The following ADGRL2 variants were observed in gnomAD, a reference collection of about 807,000 sequenced individuals.
The protein encoded by ADGRL2 is adhesion G protein-coupled receptor L2, also known as calcium-independent alpha-latrotoxin receptor 2.
Under a neutral mutation model 157.4 loss-of-function variants are expected in ADGRL2, and 44 were observed. The observed-to-expected ratio is 0.28, with a 90% CI of 0.22 to 0.36. The LOEUF is 0.36. Ranked by LOEUF, ADGRL2 falls within the 10% of genes least tolerant of loss-of-function variation. ADGRL2 has a pLI of 1.00. For synonymous variants in ADGRL2, 585 were observed against 624.7 expected (o/e 0.94, Z 0.95); for missense variants, 1,510 against 1,768.9 (o/e 0.85, Z 2.63).
At chr1:81,593,278 A>G (rs974872696) in intron 3 of ADGRL2, among the ~76,000 whole-genome samples, 6 of 152,186 alleles carry the variant, frequency 3.9e-5, no homozygotes, top group African/African-American at 1.4e-4. Context: ...GGCGCTCACT[A>G]TTAAATAGTG....
chr1:81,855,521 T>G (rs1334288118), intron 2 of ADGRL2, among the ~76,000 whole-genome samples: 1 of 152,182 alleles, frequency 6.6e-6, no homozygotes, highest in Non-Finnish European at 1.5e-5. Context: ...TATCAGTATT[T>G]TGATACTTTT....
chr1:81,496,354 G>A (rs574379847), intron 2 of ADGRL2, among the ~76,000 whole-genome samples: 2 of 152,086 alleles, frequency 1.3e-5, no homozygotes, highest in Non-Finnish European at 2.9e-5. Context: ...ACTGCAAGTC[G>A]CTCTTTTTTT....
intron 2 of ADGRL2, among the ~76,000 whole-genome samples, chr1:81,569,237 T>C (rs934187560): frequency 6.6e-6 from 1 of 152,158 alleles, no homozygotes; most frequent in African/African-American, 2.4e-5. Flanking sequence ...ACAAAAACAC[T>C]GTGAGACAGA....
intron 1 of ADGRL2, among the ~76,000 whole-genome samples, chr1:81,334,051 A>G (rs1205119659): frequency 3.3e-5 from 5 of 152,264 alleles, no homozygotes; most frequent in African/African-American, 1.2e-4. Flanking sequence ...AACTTTAAGA[A>G]ATAAAACAAA....
intron 1 of ADGRL2, among the ~76,000 whole-genome samples, chr1:81,422,309 A>G (rs571846238): frequency 6.6e-6 from 1 of 152,182 alleles, no homozygotes; most frequent in African/African-American, 2.4e-5. Flanking sequence ...CAATGGTACG[A>G]TCTCAGCTCA....
intron 1 of ADGRL2, among the ~76,000 whole-genome samples, chr1:81,398,697 C>T (rs1481842436): frequency 6.6e-6 from 1 of 152,118 alleles, no homozygotes; most frequent in East Asian, 1.9e-4. Context: ...TCCTTTTCTT[C>T]TTCTTTCAAC....
At chr1:81,698,712 A>T (rs72718830), upstream of ADGRL2, among the ~76,000 whole-genome samples, 2,674 of 152,290 alleles carry the variant, frequency 0.018, 32 homozygotes, top group South Asian at 0.054. Flanking sequence ...TACAAGTCAA[A>T]TGCATGACCT....
At chr1:81,987,326 T>C in intron 22 of ADGRL2, 1 of 1,573,126 alleles carries the variant, frequency 6.4e-7, no homozygotes, top group Non-Finnish European at 8.7e-7. Context: ...ATCTTCAAGA[T>C]TTATATCATT....
At position 81,332,545 on chromosome 1, in the gene ADGRL2, C is replaced by T. The variant is rs926906011; in HGVS notation, c.-302+26036C>T. Among the ~76,000 whole-genome samples, 6 of 152,110 alleles carry T rather than the reference C, an allele frequency of 3.9e-5. No individual in the cohort carries two copies. The South Asian group carries it at 6.2e-4, about 16-fold the overall frequency. ...TTTGGAAACATTAAATTCAAACCTC[C>T]TCATGGAAATACAATTTAATCCCAG... On this transcript the variant is annotated intron_variant, in intron 1 of 24. Transcript: ENST00000370721.
chr1:81,603,432 T>C (rs2081373261), intron 3 of ADGRL2, among the ~76,000 whole-genome samples: 2 of 152,230 alleles, frequency 1.3e-5, no homozygotes, highest in African/African-American at 4.8e-5. Context: ...AAAATATAGA[T>C]GCATAGCTAT....
intron 11 of ADGRL2, among the ~76,000 whole-genome samples, chr1:81,957,887 C>G (rs911628246): frequency 1.3e-5 from 2 of 149,458 alleles, no homozygotes; most frequent in Admixed American, 1.3e-4. Flanking sequence ...ATTTTACGGC[C>G]GGGCATGGTG....
chr1:81,675,259 A>T (rs1045376123), intron 3 of ADGRL2, among the ~76,000 whole-genome samples: 1 of 152,222 alleles, frequency 6.6e-6, no homozygotes, highest in Admixed American at 6.5e-5. Flanking sequence ...TGCTCAGTTA[A>T]CTTTAGAAAT....
rs923794300 is a variant in ADGRL2, at chr1:81,806,107, T to C, written c.-101+5039T>C. ...TGGAGATAGCTCTGGGAGCAGGTAG[T>C]TGGGGAAATCAGAATATTGAATCAT... On this transcript the variant is annotated intron_variant, in intron 1 of 23. Transcript: ENST00000686636. Among the ~76,000 whole-genome samples the C allele has an allele frequency of 2.6e-5, 4 of 152,040 alleles. No homozygotes were observed. The East Asian group carries it at 5.8e-4, about 22-fold the overall frequency.
intron 2 of ADGRL2, among the ~76,000 whole-genome samples, chr1:81,785,627 C>A (rs995672256): frequency 6.6e-6 from 1 of 151,890 alleles, no homozygotes; most frequent in Non-Finnish European, 1.5e-5. Context: ...ACTCAGGCAG[C>A]GAAGGCAGGA....
At chr1:81,958,281 A>T (rs758100510) in intron 11 of ADGRL2, among the ~76,000 whole-genome samples, 11 of 147,360 alleles carry the variant, frequency 7.5e-5, no homozygotes, top group Non-Finnish European at 1.6e-4. Context: ...CATTTTACAT[A>T]TTGTAATAAT....
At chr1:81,324,223 G>T (rs1412503971) in intron 1 of ADGRL2, among the ~76,000 whole-genome samples, 2 of 152,018 alleles carry the variant, frequency 1.3e-5, no homozygotes, top group South Asian at 2.1e-4. Context: ...ATTTTTTAGG[G>T]CTGGACACAG....
At chr1:81,966,327 C>T (rs1657028217) in intron 12 of ADGRL2, 77 bp from the exon 13 acceptor site, 1 of 1,525,102 alleles carries the variant, frequency 6.6e-7, no homozygotes, top group South Asian at 1.2e-5. Flanking sequence ...AGGACTTCAT[C>T]ATTTTATTCT....
At chr1:81,675,177 C>A (rs1557556386) in intron 3 of ADGRL2, among the ~76,000 whole-genome samples, 1 of 152,102 alleles carries the variant, frequency 6.6e-6, no homozygotes, top group African/African-American at 2.4e-5. Context: ...AAGAGCATAA[C>A]TTTTTTTGTT....
chr1:81,914,434 A>G (rs2094808319), intron 3 of ADGRL2, among the ~76,000 whole-genome samples: 1 of 152,126 alleles, frequency 6.6e-6, no homozygotes, highest in Non-Finnish European at 1.5e-5. Flanking sequence ...ATTATTATGA[A>G]TGCTTACTAG....
Sources: gnomAD v4.1 joint callset for allele counts (sites outside exome capture counted in the v4.1 genomes callset) on GRCh38, gnomAD v4.1.1 for gene constraint, MANE v1.5 for transcripts, NCBI Gene and HGNC (gene_info 2026-07-23, HGNC 2026-07-21) for gene names.